Variants in CHD2 observed in about 807,000 individuals in gnomAD.
CHD2 encodes chromodomain helicase DNA binding protein 2, also known as ATP-dependent chromatin remodeler CHD2.
Under a neutral mutation model 243.9 loss-of-function variants are expected in CHD2, and 28 were observed. The ratio of observed to expected loss-of-function variants is 0.11; its 90% CI spans 0.09 to 0.16. CHD2 has a LOEUF of 0.16. Among genes scored for constraint, CHD2 ranks in the 10% least tolerant of loss-of-function variants. CHD2 has a pLI of 1.00. For missense variants in CHD2, 1,386 were observed against 2,209.8 expected (o/e 0.63, Z 7.47); for synonymous variants, 775 against 779.0 (o/e 0.99, Z 0.09).
Position 92,968,453 on chromosome 15 carries a change from A to C in CHD2, c.2189+940A>C, listed in dbSNP as rs569713044. 2.2e-4 allele frequency among the ~76,000 whole-genome samples: 33 copies of C among 152,348 alleles called. 1 individual carries two copies. Among genetic ancestry groups the C allele is most frequent in the Admixed American group, 2.0e-3 (30 of 15,312 alleles). ...TAAAGGCTTGATTAGACTCAGATTC[A>C]GTGTGACTTTAGAGGCAGAGGAATA... On this transcript the variant is annotated intron_variant, in intron 17 of 38. Transcript: ENST00000394196.
chr15:92,945,942 C>T, intron 11 of CHD2, 77 bp downstream of exon 11: 1 of 1,454,314 alleles, frequency 6.9e-7, no homozygotes, highest in South Asian at 1.3e-5. Flanking sequence ...TTTTGTTTTG[C>T]CACATGATGT....
At chr15:92,934,282 A>G (rs1045629827) in intron 5 of CHD2, among the ~76,000 whole-genome samples, 3 of 152,232 alleles carry the variant, frequency 2.0e-5, no homozygotes, top group Non-Finnish European at 4.4e-5. Flanking sequence ...GAAGAAAACT[A>G]TACACATTTA....
rs568930154 is a variant in CHD2 at position 92,901,361 on chromosome 15, A to G, written c.62+62A>G. 6.2e-6 allele frequency: 6 copies of G among 973,262 alleles called. No homozygotes were observed. The East Asian group carries it at 1.5e-4, about 25-fold the overall frequency. The allele number at this position is 973,262 out of a possible 1,614,324, so 60.3% of individuals were successfully genotyped here. On this transcript the variant is annotated intron_variant, in intron 2 of 38. Transcript: ENST00000394196. ...TTTTGGGGGAGAAACCTCAGCTTAC[A>G]ATTGTTTACCTTGACAGACATGGAT...
rs1409764161 is a variant in CHD2 at position 92,927,309 on chromosome 15, G to A, written c.360G>A (p.Ser120=). 3.7e-6 allele frequency: 6 copies of A among 1,613,424 alleles called. No individual in the cohort carries two copies. Among genetic ancestry groups the A allele is most frequent in the East Asian group, 4.5e-5 (2 of 44,848 alleles). Residue 120 remains serine (S), a synonymous_variant, in exon 4 of 39, where the codon TCG becomes TCA. Coordinates refer to ENST00000394196, the MANE Select transcript of CHD2 (RefSeq NM_001271.4). The part of the protein sequence containing the change: ...RRSNRSRQEP[S]RFNIKEEASS... ...CAAACCGAAGCAGACAAGAACCATC[G>A]CGATTTAATATTAAGGAAGAGGTAA...
chr15:92,911,460 G>A (rs1186304623), intron 2 of CHD2, among the ~76,000 whole-genome samples: 12 of 152,146 alleles, frequency 7.9e-5, no homozygotes, highest in South Asian at 2.1e-4. Flanking sequence ...AAACTTAGCC[G>A]GGTGTAGTGG....
chr15:92,968,400 G>T (rs376282528), intron 17 of CHD2, among the ~76,000 whole-genome samples: 1 of 152,174 alleles, frequency 6.6e-6, no homozygotes, highest in South Asian at 2.1e-4. Flanking sequence ...CCTCTGAACT[G>T]TGTTTTCTGT....
intron 14 of CHD2, among the ~76,000 whole-genome samples, chr15:92,954,673 A>G (rs2141813596): frequency 6.6e-6 from 1 of 152,346 alleles, no homozygotes; most frequent in South Asian, 2.1e-4. Flanking sequence ...AAATGATTGC[A>G]AACAAAGAAA....
chr15:92,928,306 G>A (rs1480942101), intron 4 of CHD2, among the ~76,000 whole-genome samples: 3 of 152,202 alleles, frequency 2.0e-5, no homozygotes, highest in African/African-American at 7.2e-5. Flanking sequence ...TCACATAGTT[G>A]TAGAAATCTT....
At chr15:92,918,787 C>T (rs1393414931) in intron 2 of CHD2, among the ~76,000 whole-genome samples, 1 of 151,524 alleles carries the variant, frequency 6.6e-6, no homozygotes, top group Non-Finnish European at 1.5e-5. Context: ...TATATATACA[C>T]ATGTACGCTA....
chr15:93,027,493 T>C lies in CHD2; in HGVS notation c.*2788T>C, dbSNP rs13759. 55,293 of 152,252 alleles carry C rather than the reference T, an allele frequency of 0.36. 11,659 individuals are homozygous for C. The highest frequency in any genetic ancestry group is 0.84 in the East Asian group (4,356 of 5,178). 9.4% of individuals were successfully genotyped at this position (152,252 alleles called of 1,614,324 possible). On this transcript the variant is annotated 3_prime_UTR_variant, in exon 39 of 39. Coordinates refer to ENST00000394196, the MANE Select transcript of CHD2 (RefSeq NM_001271.4). ...CCGGGGCTCACTCTCCTTTCAGTCA[T>C]TCCTCAGCCCTTCGAAGGGAAGCCC...
At chr15:92,952,232 A>C (rs1325381509) in intron 13 of CHD2, among the ~76,000 whole-genome samples, 2 of 152,078 alleles carry the variant, frequency 1.3e-5, no homozygotes, top group African/African-American at 4.8e-5. Flanking sequence ...TTTGTAGAGT[A>C]GTGTTTCTCA....
intron 2 of CHD2, chr15:92,904,335 T>A (rs1030112804): frequency 3.6e-6 from 2 of 557,826 alleles, no homozygotes; most frequent in Non-Finnish European, 4.6e-6. Context: ...TGCGCGCGCC[T>A]GGTAACAGCA....
intron 32 of CHD2, among the ~76,000 whole-genome samples, chr15:93,001,057 T>C (rs2054249303): frequency 6.6e-6 from 1 of 152,094 alleles, no homozygotes; most frequent in Non-Finnish European, 1.5e-5. Flanking sequence ...TAAGTAGAGA[T>C]GGGGTTTCAC....
intron 2 of CHD2, among the ~76,000 whole-genome samples, chr15:92,912,412 A>G (rs1175285703): frequency 6.6e-6 from 1 of 152,316 alleles, no homozygotes; most frequent in Non-Finnish European, 1.5e-5. Flanking sequence ...GCTGGAGTGC[A>G]GTGGCGCAGT....
intron 2 of CHD2, among the ~76,000 whole-genome samples, chr15:92,911,153 G>A (rs1191559958): frequency 2.0e-5 from 3 of 152,172 alleles, no homozygotes; most frequent in East Asian, 1.9e-4. Context: ...GTCAGTAGGC[G>A]AAATGATTGT....
rs763431895 is a variant in CHD2 at position 92,988,326 on chromosome 15, C to T, written c.3413+2653C>T. The stretch of plus-strand genomic sequence containing the variant: ...TCTTGAACTTCTGACCTCAGGTGAT[C>T]GGTGTGCCTCGGCCTCCCAAAGGGC... On this transcript the variant is annotated intron_variant, in intron 26 of 38. Transcript: ENST00000394196. Among the ~76,000 whole-genome samples the T allele has an allele frequency of 5.9e-5, 9 of 152,164 alleles. No homozygotes were observed. In the East Asian group the frequency reaches 9.6e-4, roughly 16 times the overall value.
chr15:93,009,084 C>A, intron 34 of CHD2, 61 bp from the exon 35 acceptor site: 1 of 1,558,156 alleles, frequency 6.4e-7, no homozygotes, highest in South Asian at 1.2e-5. Context: ...GCACAGTAAG[C>A]AAAGGACAAG....
chr15:92,926,724 C>T (rs995422732), intron 3 of CHD2, among the ~76,000 whole-genome samples: 1 of 152,148 alleles, frequency 6.6e-6, no homozygotes, highest in Admixed American at 6.5e-5. Flanking sequence ...ATTCTGAGAA[C>T]TTCTAGCTAA....
intron 3 of CHD2, among the ~76,000 whole-genome samples, chr15:92,924,782 A>G (rs930014172): frequency 4.6e-5 from 7 of 152,144 alleles, no homozygotes; most frequent in African/African-American, 1.2e-4. Flanking sequence ...ACAAATTTTT[A>G]TACGCTTGGT....
Sources: allele counts gnomAD v4.1 joint callset (sites outside exome capture counted in the v4.1 genomes callset), GRCh38; gene constraint gnomAD v4.1.1; transcripts MANE v1.5; gene names NCBI Gene and HGNC (gene_info 2026-07-23, HGNC 2026-07-21).